Variants in CFAP58 observed in about 807,000 individuals in gnomAD.
CFAP58 encodes the protein cilia- and flagella-associated protein 58.
In CFAP58, 88 loss-of-function variants were observed where a neutral mutation model predicts 119.5. The ratio of observed to expected loss-of-function variants is 0.74; its 90% confidence interval spans 0.62 to 0.88. CFAP58 has a LOEUF of 0.88. Ranked by LOEUF, CFAP58 falls within the 40% of genes least tolerant of loss-of-function variation. The probability of loss-of-function intolerance (pLI) is 0.00; values close to 1 mark genes in which losing one functional copy is unlikely to be tolerated. For missense variants in CFAP58, 990 were observed against 1,021.2 expected (o/e 0.97, Z 0.42); for synonymous variants, 365 against 366.3 (o/e 1.00, Z 0.04).
chr10:104,408,168 A>G (rs1044210282), intron 15 of CFAP58, among the ~76,000 whole-genome samples: 12 of 152,254 alleles, frequency 7.9e-5, no homozygotes, highest in Non-Finnish European at 7.3e-5. Flanking sequence ...CTGAATGGCC[A>G]ACAGGGATTT....
rs552630456 is a variant in CFAP58, at chr10:104,451,087, G to A, written c.2510+883G>A. Among the ~76,000 whole-genome samples, 28 of 152,256 alleles carry A rather than the reference G, an allele frequency of 1.8e-4. No homozygotes were observed. In the East Asian group the frequency reaches 4.4e-3, roughly 24 times the overall value. ...GGCCCAAATGAATCAGGTTTGAAAC[G>A]AACTAGTTTTGAAACTTGGTTTGGC... is the stretch of plus-strand genomic sequence containing the variant. On this transcript the variant is annotated intron_variant, in intron 17 of 17. Transcript: ENST00000369704.
At chr10:104,391,833 G>T (rs2012050307) in intron 9 of CFAP58, among the ~76,000 whole-genome samples, 1 of 152,224 alleles carries the variant, frequency 6.6e-6, no homozygotes, top group African/African-American at 2.4e-5. Flanking sequence ...AGCAGCCAGT[G>T]TGGCCAAACA....
intron 15 of CFAP58, among the ~76,000 whole-genome samples, chr10:104,424,855 G>A (rs1455983259): frequency 6.6e-6 from 1 of 152,208 alleles, no homozygotes; most frequent in East Asian, 1.9e-4. Context: ...AGGACAAAGA[G>A]GACATGTTTG....
rs113699591 is a variant in CFAP58, at chr10:104,400,976, T to G, written c.2039+73T>G. 21 of 1,029,420 alleles carry G rather than the reference T, an allele frequency of 2.0e-5. No individual in the cohort carries two copies. The African/African-American group carries it at 2.5e-4, about 12-fold the overall frequency. 63.8% of individuals were successfully genotyped at this position (1,029,420 alleles called of 1,614,324 possible). A position where few individuals can be genotyped will look rare whatever the true frequency, so the allele number is the denominator to read the frequency against. The stretch of plus-strand genomic sequence containing the variant: ...AGCTCCTAAAATCACTTCGTAGTCA[T>G]GCTTGTTGCTCATTGAAGGTCTTTA... On this transcript the variant is annotated intron_variant, in intron 13 of 17. Coordinates refer to ENST00000369704, the MANE Select transcript of CFAP58 (RefSeq NM_001008723.2).
upstream of CFAP58, among the ~76,000 whole-genome samples, chr10:104,350,118 G>T (rs1256097197): frequency 2.0e-5 from 3 of 152,194 alleles, no homozygotes; most frequent in East Asian, 3.8e-4. Flanking sequence ...TGCACAATTT[G>T]CTTCTCCTGA....
At chr10:104,400,378 C>T (rs1369418438) in intron 12 of CFAP58, among the ~76,000 whole-genome samples, 1 of 152,170 alleles carries the variant, frequency 6.6e-6, no homozygotes, top group Non-Finnish European at 1.5e-5. Flanking sequence ...AACTCCTGGC[C>T]TCAAGTGATC....
At chr10:104,434,100 C>CA (rs2012893207) in intron 15 of CFAP58, among the ~76,000 whole-genome samples, 2 of 152,220 alleles carry the variant, frequency 1.3e-5, no homozygotes, top group South Asian at 4.1e-4. Flanking sequence ...CTTAGCCTCA[C>CA]TCAGCCTCTG....
chr10:104,375,605 A>G (rs1318373137), intron 7 of CFAP58, among the ~76,000 whole-genome samples: 2 of 152,218 alleles, frequency 1.3e-5, no homozygotes, highest in African/African-American at 4.8e-5. Context: ...TCTGAGGCAC[A>G]TGTGACTGAC....
At position 104,368,465 on chromosome 10, in the gene CFAP58, A is replaced by G; in HGVS notation, c.835A>G (p.Met279Val). 1 of 1,613,976 alleles carries G rather than the reference A, an allele frequency of 6.2e-7. No homozygotes were observed. The highest frequency in any genetic ancestry group is 1.1e-5 in the South Asian group (1 of 91,088). Residue 279 changes from methionine to valine, a missense_variant, in exon 6 of 18, where the codon ATG (methionine) becomes GTG (valine). Physicochemically the swap from Met to Val is conservative, Grantham distance 21. Coordinates refer to ENST00000369704, the MANE Select transcript of CFAP58 (RefSeq NM_001008723.2). Reference protein sequence around the residue: ...RAAKELEQFQMRNAKLQQENE... With the variant: ...RAAKELEQFQVRNAKLQQENE... ...TGCAAAGGAACTCGAGCAATTTCAG[A>G]TGAGAAATGCTAAACTTCAGCAAGA...
chr10:104,395,165 A>G (rs1021965377), intron 11 of CFAP58, among the ~76,000 whole-genome samples: 3 of 152,206 alleles, frequency 2.0e-5, no homozygotes, highest in Middle Eastern at 3.4e-3. Flanking sequence ...AATTCCTCAG[A>G]GTTTGACTTT....
intron 9 of CFAP58, among the ~76,000 whole-genome samples, chr10:104,386,787 T>C (rs2011934284): frequency 6.6e-6 from 1 of 152,252 alleles, no homozygotes; most frequent in African/African-American, 2.4e-5. Context: ...CTTTTAAGTA[T>C]CTGTATCAAG....
chr10:104,445,366 G>C (rs934884600), intron 15 of CFAP58, among the ~76,000 whole-genome samples: 3 of 150,032 alleles, frequency 2.0e-5, no homozygotes, highest in African/African-American at 7.3e-5. Context: ...CAAACCAAAA[G>C]AACAAAAAGG....
chr10:104,365,120 G>A (rs1490972661), intron 4 of CFAP58, among the ~76,000 whole-genome samples: 1 of 152,074 alleles, frequency 6.6e-6, no homozygotes, highest in South Asian at 2.1e-4. Flanking sequence ...TCACTGAGGC[G>A]GGCACTCCCT....
chr10:104,439,647 A>G (rs6584598), intron 15 of CFAP58, among the ~76,000 whole-genome samples: 72,726 of 151,782 alleles, frequency 0.48, 17,703 homozygotes, highest in African/African-American at 0.56. Context: ...CAGGGCTGCA[A>G]TGAGTTGTGA....
At position 104,380,142 on chromosome 10, in the gene CFAP58, G is replaced by A; in HGVS notation, c.1287G>A (p.Gln429=). 1 of 1,614,132 alleles carries A rather than the reference G, an allele frequency of 6.2e-7. No homozygotes were observed. The highest frequency in any genetic ancestry group is 1.6e-4 in the Middle Eastern group (1 of 6,062). Residue 429 remains glutamine, a synonymous_variant, in exon 9 of 18, where the codon CAG becomes CAA. Coordinates refer to ENST00000369704, the MANE Select transcript of CFAP58 (RefSeq NM_001008723.2). ...TCCAGAACTACAAGGATGAGGCTCA[G>A]AAGCAGAGAAAGATCATCTTTCATC... ...GEIQNYKDEA[Q]KQRKIIFHLE... is the part of the protein sequence containing the mutation.
chr10:104,448,090 G>A (rs745473867), intron 16 of CFAP58, among the ~76,000 whole-genome samples: 8 of 152,302 alleles, frequency 5.3e-5, no homozygotes, highest in South Asian at 2.1e-4. Context: ...GGAGATGTGC[G>A]GACAGGGTTT....
At chr10:104,353,671 C>T, upstream of CFAP58, 1 of 542,508 alleles carries the variant, frequency 1.8e-6, no homozygotes, top group African/African-American at 1.9e-5. Flanking sequence ...CTCTGAGGAA[C>T]CCTGCCCAGG....
At chr10:104,374,453 GAAAAAAAAAAAAAAAA>G (rs71022730) in intron 7 of CFAP58, among the ~76,000 whole-genome samples, 3 of 30,696 alleles carry the variant, frequency 9.8e-5, no homozygotes, top group Non-Finnish European at 6.3e-5. Flanking sequence ...CTTGTTTCAG[GAAAAAAAAAAAAAAAA>G]AAAAAAAAAA....
chr10:104,396,448 G>GAGAGAAA (rs2012163158), intron 11 of CFAP58, among the ~76,000 whole-genome samples: 1 of 128,034 alleles, frequency 7.8e-6, no homozygotes, highest in Admixed American at 7.8e-5. Flanking sequence ...GAAAGAGAGA[G>GAGAGAAA]AGAGAAAGAA....
Sources: gnomAD v4.1 joint callset for allele counts (sites outside exome capture counted in the v4.1 genomes callset) on GRCh38, gnomAD v4.1.1 for gene constraint, MANE v1.5 for transcripts, NCBI Gene and HGNC (gene_info 2026-07-23, HGNC 2026-07-21) for gene names.